The following SGIP1 variants were observed in gnomAD, a reference collection of about 807,000 sequenced individuals.
The protein encoded by SGIP1 is SH3GL interacting endocytic adaptor 1.
A neutral mutation model predicts 107.5 loss-of-function variants in SGIP1; 38 were observed. The observed-to-expected ratio is 0.35, with a 90% CI of 0.27 to 0.46. The LOEUF (loss-of-function observed/expected upper bound fraction) is 0.46, where lower values mean the gene tolerates loss of function less well. Ranked by LOEUF, SGIP1 falls within the 20% of genes least tolerant of loss-of-function variation. The pLI is 1.00. For synonymous variants in SGIP1, 365 were observed against 366.1 expected (o/e 1.00, Z 0.03); for missense variants, 929 against 1,019.5 (o/e 0.91, Z 1.21).
chr1:66,591,562 A>G lies in SGIP1; in HGVS notation c.11-34285A>G, dbSNP rs188908136. ...TCCCCCATTATCAACATCCCCCATT[A>G]GAGTGTGAAGGGGGCCAGCCCCTCC... On this transcript the variant is annotated intron_variant, in intron 1 of 24. Transcript: ENST00000371037. Among the ~76,000 whole-genome samples the G allele has an allele frequency of 4.9e-3, 741 of 152,266 alleles. 2 individuals are homozygous for G. Among genetic ancestry groups the G allele is most frequent in the Non-Finnish European group, 8.0e-3 (545 of 68,006 alleles).
Position 66,724,435 on chromosome 1 carries a change from A to T in SGIP1, c.1743-4829A>T, listed in dbSNP as rs142903911. On this transcript the variant is annotated intron_variant, in intron 19 of 24. Coordinates refer to ENST00000371037, the MANE Select transcript of SGIP1 (RefSeq NM_032291.4). ...AAATTCTTTGGTGAGTATAGAAAATATTAAATTTTTATATAGAAAATTTCA... is the reference window on the plus strand; with the variant it reads ...AAATTCTTTGGTGAGTATAGAAAATTTTAAATTTTTATATAGAAAATTTCA... 5.3e-5 allele frequency among the ~76,000 whole-genome samples: 8 copies of T among 152,348 alleles called. No homozygotes were observed. In the East Asian group the frequency reaches 1.5e-3, roughly 29 times the overall value.
At chr1:66,625,706 GACAC>G (rs1309621292) in intron 1 of SGIP1, 137 bp from the exon 2 acceptor site, 2 of 615,920 alleles carry the variant, frequency 3.2e-6, no homozygotes, top group Non-Finnish European at 5.6e-6. Flanking sequence ...TGGACATGCA[GACAC>G]ACATACCTTT....
chr1:66,695,894 T>C (rs563050701), intron 18 of SGIP1, among the ~76,000 whole-genome samples: 203 of 152,350 alleles, frequency 1.3e-3, no homozygotes, highest in African/African-American at 4.7e-3. Context: ...ATTTAACTTG[T>C]TTTGGGTAAT....
chr1:66,637,594 G>A lies in SGIP1; in HGVS notation c.171+1579G>A, dbSNP rs141334662. On this transcript the variant is annotated intron_variant, in intron 4 of 24. Transcript: ENST00000371037. ...TGAAGAAAAAATTTCTACAAGTTTT[G>A]TTTTCCCTTTATCTCAATCTTCCTT... 1.2e-3 allele frequency among the ~76,000 whole-genome samples: 185 copies of A among 151,180 alleles called. No individual in the cohort carries two copies. The Middle Eastern group carries it at 0.02, about 17-fold the overall frequency.
intron 7 of SGIP1, among the ~76,000 whole-genome samples, chr1:66,655,181 C>T (rs974839342): frequency 8.6e-5 from 13 of 152,022 alleles, no homozygotes; most frequent in African/African-American, 1.7e-4. Context: ...AAAATCTTCA[C>T]GGTGGTCTTC....
chr1:66,598,354 G>A (rs1055799903), intron 1 of SGIP1, among the ~76,000 whole-genome samples: 13 of 152,142 alleles, frequency 8.5e-5, no homozygotes, highest in African/African-American at 2.9e-4. Flanking sequence ...TCCCAACTGT[G>A]TGCCTAATTT....
intron 2 of SGIP1, among the ~76,000 whole-genome samples, chr1:66,631,432 A>G (rs552942409): frequency 1.3e-5 from 2 of 152,278 alleles, no homozygotes; most frequent in South Asian, 4.1e-4. Flanking sequence ...GTCAATTCCC[A>G]TGGTCTTTCA....
At chr1:66,560,735 A>G (rs917899560) in intron 1 of SGIP1, among the ~76,000 whole-genome samples, 3 of 152,214 alleles carry the variant, frequency 2.0e-5, no homozygotes, top group African/African-American at 7.2e-5. Context: ...GCAGGACAAC[A>G]TGTTGGACAA....
intron 18 of SGIP1, among the ~76,000 whole-genome samples, 175 bp from the exon 19 acceptor site, chr1:66,719,119 T>A (rs1040431456): frequency 2.0e-5 from 3 of 152,138 alleles, no homozygotes; most frequent in Non-Finnish European, 2.9e-5. Context: ...AGCCAAATAT[T>A]TCCTTTTAAA....
At chr1:66,614,146 T>C (rs2149193333) in intron 1 of SGIP1, among the ~76,000 whole-genome samples, 1 of 152,336 alleles carries the variant, frequency 6.6e-6, no homozygotes, top group East Asian at 1.9e-4. Context: ...TGTATTTAAA[T>C]GTTTGAAATA....
intron 1 of SGIP1, among the ~76,000 whole-genome samples, chr1:66,608,627 A>T (rs908199171): frequency 6.6e-6 from 1 of 152,176 alleles, no homozygotes; most frequent in Non-Finnish European, 1.5e-5. Flanking sequence ...TCTGAAGTAT[A>T]TGATGTTTCA....
chr1:66,584,008 G>T (rs186501510), intron 1 of SGIP1, among the ~76,000 whole-genome samples: 164 of 152,236 alleles, frequency 1.1e-3, no homozygotes, highest in Middle Eastern at 0.01. Context: ...CCCAAGAAAT[G>T]CATTTGAGGT....
chr1:66,626,658 G>A (rs1340908275), intron 2 of SGIP1, among the ~76,000 whole-genome samples: 1 of 152,174 alleles, frequency 6.6e-6, no homozygotes, highest in East Asian at 1.9e-4. Flanking sequence ...AGCCAAGCAG[G>A]TAACTTATAT....
At chr1:66,724,785 C>A (rs2093684202) in intron 19 of SGIP1, among the ~76,000 whole-genome samples, 1 of 152,162 alleles carries the variant, frequency 6.6e-6, no homozygotes, top group African/African-American at 2.4e-5. Context: ...ACCAAGACAC[C>A]ATTTAGATCT....
chr1:66,636,087 AT>A, intron 4 of SGIP1, 72 bp downstream of exon 4: 1 of 1,447,324 alleles, frequency 6.9e-7, no homozygotes, highest in Non-Finnish European at 9.6e-7. Flanking sequence ...CCAATTTAAA[AT>A]TTGGAAAACA....
In SGIP1 at chr1:66,549,889, T is replaced by C. The variant is rs2148240896; in HGVS notation, c.10+15521T>C. On this transcript the variant is annotated intron_variant, in intron 1 of 24. Transcript: ENST00000371037. ...ATCCTTAGAAGACCTCTGATCTTAT[T>C]GCTCCATCTCCTAAATAAGTGTCAT... Among the ~76,000 whole-genome samples, 5 of 152,256 alleles carry C rather than the reference T, an allele frequency of 3.3e-5. No homozygotes were observed. In the South Asian group the frequency reaches 1.0e-3, roughly 32 times the overall value.
At chr1:66,738,566 T>G (rs1178746828) in intron 21 of SGIP1, among the ~76,000 whole-genome samples, 1 of 152,246 alleles carries the variant, frequency 6.6e-6, no homozygotes, top group Non-Finnish European at 1.5e-5. Flanking sequence ...TCTTCAAACC[T>G]GGCTTTTTCT....
intron 2 of SGIP1, among the ~76,000 whole-genome samples, chr1:66,626,982 TG>T (rs1410045753): frequency 6.6e-6 from 1 of 152,192 alleles, no homozygotes; most frequent in Non-Finnish European, 1.5e-5. Context: ...AGTATTTCCC[TG>T]GGCCCTTGTC....
intron 1 of SGIP1, among the ~76,000 whole-genome samples, chr1:66,622,974 C>G (rs12127884): frequency 0.15 from 22,537 of 152,114 alleles, 2,185 homozygotes; most frequent in East Asian, 0.46. Context: ...TGAACATAGT[C>G]TCTTAAATTT....
Sources: gnomAD v4.1 joint callset for allele counts (sites outside exome capture counted in the v4.1 genomes callset) on GRCh38, gnomAD v4.1.1 for gene constraint, MANE v1.5 for transcripts, NCBI Gene and HGNC (gene_info 2026-07-23, HGNC 2026-07-21) for gene names.